Variants in ANKS1B observed in about 807,000 individuals in gnomAD.
ANKS1B encodes the protein ankyrin repeat and sterile alpha motif domain containing 1B, also known as ankyrin repeat and sterile alpha motif domain-containing protein 1B.
ANKS1B carries 36 observed loss-of-function variants against 148.3 expected under a neutral mutation model. That is an observed-to-expected ratio of 0.24 (90% CI 0.19 to 0.32). ANKS1B has a LOEUF of 0.32. ANKS1B is among the 10% of genes least tolerant of loss of function. The pLI is 1.00. For synonymous variants in ANKS1B, 542 were observed against 560.8 expected (o/e 0.97, Z 0.47); for missense variants, 1,157 against 1,542.6 (o/e 0.75, Z 4.19).
intron 9 of ANKS1B, among the ~76,000 whole-genome samples, chr12:99,628,895 C>A (rs773027564): frequency 3.3e-5 from 5 of 152,168 alleles, no homozygotes; most frequent in Non-Finnish European, 7.4e-5. Context: ...GGTCCCACCT[C>A]TTAATACTTA....
intron 1 of ANKS1B, among the ~76,000 whole-genome samples, chr12:99,951,959 G>A (rs1208334293): frequency 6.6e-6 from 1 of 152,126 alleles, no homozygotes; most frequent in African/African-American, 2.4e-5. Flanking sequence ...GATAATCACA[G>A]AGGTTTCAGA....
intron 12 of ANKS1B, among the ~76,000 whole-genome samples, chr12:99,337,150 T>C (rs893604920): frequency 6.6e-6 from 1 of 152,122 alleles, no homozygotes; most frequent in Non-Finnish European, 1.5e-5. Context: ...ATTTCCCTTT[T>C]GAGGCTATTT....
intron 17 of ANKS1B, 32 bp downstream of exon 17, chr12:99,053,125 A>C: frequency 6.5e-7 from 1 of 1,545,500 alleles, no homozygotes; most frequent in Non-Finnish European, 8.7e-7. Context: ...CAAGGGTTGA[A>C]TAGTTAAGGT....
At chr12:99,101,420 A>G (rs1019737980) in intron 15 of ANKS1B, among the ~76,000 whole-genome samples, 1 of 152,256 alleles carries the variant, frequency 6.6e-6, no homozygotes, top group African/African-American at 2.4e-5. Flanking sequence ...AAACTGACTG[A>G]ACTTGATTAT....
At chr12:98,880,864 C>T (rs1362930305) in intron 17 of ANKS1B, among the ~76,000 whole-genome samples, 1 of 152,088 alleles carries the variant, frequency 6.6e-6, no homozygotes, top group Non-Finnish European at 1.5e-5. Flanking sequence ...AATACAGTTG[C>T]TCCCCAACCC....
chr12:99,708,558 A>C (rs921601475), intron 8 of ANKS1B, among the ~76,000 whole-genome samples: 1 of 152,160 alleles, frequency 6.6e-6, no homozygotes, highest in Non-Finnish European at 1.5e-5. Flanking sequence ...TCTTCCAGCT[A>C]CTAGTGGCTA....
chr12:99,663,283 T>C lies in ANKS1B; in HGVS notation c.1129-8073A>G, dbSNP rs1318405419. The stretch of plus-strand genomic sequence containing the variant: ...ATTTAGTCCTGGGAGAGATATCACA[T>C]GCCACAGTTGAATATATTAGCAATG... On this transcript the variant is annotated intron_variant, in intron 8 of 26. Coordinates refer to ENST00000683438, the MANE Select transcript of ANKS1B (RefSeq NM_001352186.2). 5.3e-5 allele frequency among the ~76,000 whole-genome samples: 8 copies of C among 152,246 alleles called. No individual in the cohort carries two copies. In the East Asian group the frequency reaches 1.3e-3, roughly 26 times the overall value.
chr12:99,354,376 T>C (rs1487566861), intron 12 of ANKS1B, among the ~76,000 whole-genome samples: 1 of 152,026 alleles, frequency 6.6e-6, no homozygotes, highest in Non-Finnish European at 1.5e-5. Flanking sequence ...ATAAATATAG[T>C]GGTCAAACTA....
At chr12:99,364,608 G>A (rs1457800584) in intron 12 of ANKS1B, among the ~76,000 whole-genome samples, 3 of 152,120 alleles carry the variant, frequency 2.0e-5, no homozygotes, top group Admixed American at 6.6e-5. Context: ...TTCTGACTTC[G>A]GTGACTCTCT....
intron 8 of ANKS1B, among the ~76,000 whole-genome samples, chr12:99,668,317 T>C (rs2153463411): frequency 6.6e-6 from 1 of 152,236 alleles, no homozygotes; most frequent in Admixed American, 6.5e-5. Context: ...TGGATCTTTA[T>C]TCATATCCCC....
intron 17 of ANKS1B, among the ~76,000 whole-genome samples, chr12:98,984,523 A>G (rs2099922124): frequency 6.6e-6 from 1 of 152,186 alleles, no homozygotes; most frequent in Non-Finnish European, 1.5e-5. Flanking sequence ...CTCCTTAGCT[A>G]TATATTAAAG....
At chr12:98,821,066 C>T (rs1038566802) in intron 19 of ANKS1B, among the ~76,000 whole-genome samples, 1 of 152,154 alleles carries the variant, frequency 6.6e-6, no homozygotes, top group African/African-American at 2.4e-5. Flanking sequence ...TGCCTCACAA[C>T]AATGATGTGG....
chr12:98,966,492 G>A (rs1348838213), intron 17 of ANKS1B, among the ~76,000 whole-genome samples: 5 of 152,134 alleles, frequency 3.3e-5, no homozygotes, highest in African/African-American at 7.2e-5. Flanking sequence ...ACAGTGTGGC[G>A]ATTCCTCAAG....
intron 17 of ANKS1B, among the ~76,000 whole-genome samples, chr12:98,859,646 T>G (rs2099588704): frequency 6.6e-6 from 1 of 152,266 alleles, no homozygotes; most frequent in South Asian, 2.1e-4. Flanking sequence ...ATTACCTTTA[T>G]GCATTTTAGT....
At chr12:99,347,666 A>G (rs1191399824) in intron 12 of ANKS1B, among the ~76,000 whole-genome samples, 1 of 152,170 alleles carries the variant, frequency 6.6e-6, no homozygotes, top group East Asian at 1.9e-4. Flanking sequence ...TCAGTAAAAA[A>G]TTAGAAAAGT....
At chr12:99,560,220 T>G (rs918864178) in intron 9 of ANKS1B, among the ~76,000 whole-genome samples, 1 of 152,160 alleles carries the variant, frequency 6.6e-6, no homozygotes, top group Non-Finnish European at 1.5e-5. Flanking sequence ...GTTGCTTATT[T>G]TCTTTGTTCC....
intron 1 of ANKS1B, among the ~76,000 whole-genome samples, chr12:99,883,894 TGACAGAGTGA>T (rs1264053764): frequency 6.6e-6 from 1 of 152,044 alleles, no homozygotes; most frequent in Non-Finnish European, 1.5e-5. Flanking sequence ...CCAGCCTGGG[TGACAGAGTGA>T]GACTCTGTCT....
At chr12:99,583,848 A>C (rs751006199) in intron 9 of ANKS1B, among the ~76,000 whole-genome samples, 4 of 152,244 alleles carry the variant, frequency 2.6e-5, no homozygotes, top group Non-Finnish European at 5.9e-5. Flanking sequence ...AAACACAGGT[A>C]CATAGATTCG....
chr12:99,920,589 T>C (rs939580835), intron 1 of ANKS1B, among the ~76,000 whole-genome samples: 2 of 152,102 alleles, frequency 1.3e-5, no homozygotes, highest in South Asian at 2.1e-4. Flanking sequence ...CATTCATTCA[T>C]ACTTTACATA....
Sources: allele counts gnomAD v4.1 joint callset (sites outside exome capture counted in the v4.1 genomes callset), GRCh38; gene constraint gnomAD v4.1.1; transcripts MANE v1.5; gene names NCBI Gene and HGNC (gene_info 2026-07-23, HGNC 2026-07-21).